Variants in SEL1L2 observed in about 807,000 individuals in gnomAD.
SEL1L2 encodes SEL1L2 adaptor subunit of SYVN1 ubiquitin ligase.
Under a neutral mutation model 98.8 loss-of-function variants are expected in SEL1L2, and 89 were observed. The ratio of observed to expected loss-of-function variants is 0.90; its 90% CI spans 0.76 to 1.07. The LOEUF is 1.07. Among genes scored for constraint, SEL1L2 ranks in the 50% least tolerant of loss-of-function variants. The probability of loss-of-function intolerance (pLI) is 0.00; values close to 1 mark genes in which losing one functional copy is unlikely to be tolerated. For synonymous variants in SEL1L2, 262 were observed against 278.5 expected (o/e 0.94, Z 0.59); for missense variants, 788 against 812.0 (o/e 0.97, Z 0.36).
Position 13,941,945 on chromosome 20 carries a change from T to C in SEL1L2, c.115-10174A>G, listed in dbSNP as rs191555065. On this transcript the variant is annotated intron_variant, in intron 2 of 19. Transcript: ENST00000284951. ...ACATTTCTTGTTTTCCTTAACAATCTATGTCCCTTTTTTCTTTCCTGGTTC... is the reference window on the plus strand; with the variant it reads ...ACATTTCTTGTTTTCCTTAACAATCCATGTCCCTTTTTTCTTTCCTGGTTC... Among the ~76,000 whole-genome samples, 85 of 152,320 alleles carry C rather than the reference T, an allele frequency of 5.6e-4. 1 individual carries two copies. Among genetic ancestry groups the C allele is most frequent in the African/African-American group, 1.9e-3 (79 of 41,576 alleles).
intron 2 of SEL1L2, among the ~76,000 whole-genome samples, chr20:13,938,176 G>A (rs2049552113): frequency 6.6e-6 from 1 of 151,780 alleles, no homozygotes; most frequent in African/African-American, 2.4e-5. Flanking sequence ...CACCTCCTGG[G>A]TTCAAGCGAT....
intron 5 of SEL1L2, among the ~76,000 whole-genome samples, chr20:13,901,435 T>G (rs938062851): frequency 1.3e-5 from 2 of 152,306 alleles, no homozygotes; most frequent in South Asian, 4.1e-4. Flanking sequence ...AGCCCTATTC[T>G]GTAACTTTTA....
At chr20:13,995,097 C>T (rs1407173744), upstream of SEL1L2, 4 of 155,566 alleles carry the variant, frequency 2.6e-5, no homozygotes, top group African/African-American at 9.6e-5. The surrounding 1 kb of genome is among the most constrained non-coding windows in gnomAD (Gnocchi z 4.3). Flanking sequence ...TCTCCTCCCA[C>T]TTCTACATCC....
chr20:13,858,174 G>A (rs1195376936), intron 18 of SEL1L2, among the ~76,000 whole-genome samples: 1 of 152,124 alleles, frequency 6.6e-6, no homozygotes, highest in Admixed American at 6.6e-5. Flanking sequence ...AGAAGCCCTT[G>A]GCTTCACTGT....
intron 5 of SEL1L2, among the ~76,000 whole-genome samples, chr20:13,892,380 G>A (rs2047241741): frequency 6.6e-6 from 1 of 151,930 alleles, no homozygotes. Context: ...AACCTGAGAG[G>A]TGGAAGTTGC....
At chr20:13,864,155 C>T (rs1012415477) in intron 17 of SEL1L2, among the ~76,000 whole-genome samples, 3 of 152,072 alleles carry the variant, frequency 2.0e-5, no homozygotes, top group Admixed American at 6.6e-5. Context: ...TGTTTCCCCA[C>T]TCTAAATAAG....
At chr20:13,856,840 A>G (rs558982705) in intron 18 of SEL1L2, among the ~76,000 whole-genome samples, 12 of 152,198 alleles carry the variant, frequency 7.9e-5, no homozygotes, top group Non-Finnish European at 1.5e-4. Flanking sequence ...GTGGTATTAT[A>G]CTCATCTTTC....
intron 5 of SEL1L2, among the ~76,000 whole-genome samples, chr20:13,903,335 C>T (rs1692592380): frequency 6.6e-6 from 1 of 152,084 alleles, no homozygotes; most frequent in South Asian, 2.1e-4. Flanking sequence ...ACGGTTCCTC[C>T]TCACTCCTTC....
At chr20:13,861,910 C>T (rs973035171) in intron 17 of SEL1L2, among the ~76,000 whole-genome samples, 2 of 152,176 alleles carry the variant, frequency 1.3e-5, no homozygotes, top group Non-Finnish European at 2.9e-5. Flanking sequence ...CTCCTAGAGG[C>T]CGTCTCCGAC....
intron 3 of SEL1L2, among the ~76,000 whole-genome samples, chr20:13,923,636 C>T (rs1176937534): frequency 6.6e-6 from 1 of 152,142 alleles, no homozygotes; most frequent in Non-Finnish European, 1.5e-5. Context: ...TGCCTGTAGT[C>T]CCAGCTATTC....
Position 13,919,024 on chromosome 20 carries a change from T to A in SEL1L2, c.383A>T (p.Glu128Val). 1 of 1,607,144 alleles carries A rather than the reference T, an allele frequency of 6.2e-7. No homozygotes were observed. The highest frequency in any genetic ancestry group is 1.1e-5 in the South Asian group (1 of 90,322). Residue 128 changes from glutamate to valine, a missense_variant, in exon 4 of 20, where the codon GAA (glutamate) becomes GTA (valine). Coordinates refer to ENST00000284951, the MANE Select transcript of SEL1L2 (RefSeq NM_025229.2). ...AGGTCACTGGATAAAGACTTACTCT[T>A]CTTTTTGTTTTTGGCTTTTAGACTG... ...LQQSKSQKQK[E>V]EAYLLFAKAA...
chr20:13,973,473 A>G (rs1466169999), intron 1 of SEL1L2: 1 of 152,192 alleles, frequency 6.6e-6, no homozygotes, highest in Non-Finnish European at 1.5e-5. Flanking sequence ...TGTGAATGCT[A>G]TAACGAATTA....
chr20:13,963,954 C>T (rs1343525307), intron 1 of SEL1L2, among the ~76,000 whole-genome samples: 2 of 152,096 alleles, frequency 1.3e-5, no homozygotes, highest in Non-Finnish European at 2.9e-5. Context: ...TCTCTACAAC[C>T]TCTGCCTCCT....
chr20:13,887,795 C>T lies in SEL1L2; in HGVS notation c.719G>A (p.Ser240Asn). 1 of 1,612,852 alleles carries T rather than the reference C, an allele frequency of 6.2e-7. No individual in the cohort carries two copies. The highest frequency in any genetic ancestry group is 1.3e-5 in the African/African-American group (1 of 74,998). Residue 240 changes from serine to asparagine, a missense_variant, in exon 8 of 20, where the codon AGT (serine) becomes AAT (asparagine). By Grantham distance (46) the Ser-to-Asn change is conservative. Transcript: ENST00000284951. ...ATAATCTGCCACTTTCTTGTAATAA[C>T]TTAGGGCAACTTCACAATTCTGTAG... ...NVLQNCEVALSYYKKVADYIA... is the reference protein window; with the variant it reads ...NVLQNCEVALNYYKKVADYIA...
intron 5 of SEL1L2, among the ~76,000 whole-genome samples, chr20:13,903,453 T>C (rs889164019): frequency 6.6e-6 from 1 of 152,200 alleles, no homozygotes; most frequent in Non-Finnish European, 1.5e-5. Context: ...CTGTCACCAT[T>C]CTTAGAAGTT....
In SEL1L2 at chr20:13,897,110, A is replaced by G. The variant is rs2047458817; in HGVS notation, c.550-8598T>C. Among the ~76,000 whole-genome samples, 3 of 152,224 alleles carry G rather than the reference A, an allele frequency of 2.0e-5. No homozygotes were observed. In the South Asian group the frequency reaches 6.2e-4, roughly 32 times the overall value. ...ATAAAACACAAACAAAACCTCACAT[A>G]CAAGGTCAAATGATCTTTGACAAGG... On this transcript the variant is annotated intron_variant, in intron 5 of 19. Transcript: ENST00000284951.
intron 3 of SEL1L2, among the ~76,000 whole-genome samples, chr20:13,926,221 A>G (rs1378801786): frequency 1.3e-5 from 2 of 152,324 alleles, no homozygotes; most frequent in East Asian, 3.9e-4. Context: ...AGGCTGAGGC[A>G]GGAGAATGGC....
Position 13,956,070 on chromosome 20 carries a change from AT to A in SEL1L2, c.114+5del. 1.3e-6 allele frequency: 2 copies of A among 1,536,392 alleles called. No individual in the cohort carries two copies. The highest frequency in any genetic ancestry group is 1.8e-6 in the Non-Finnish European group (2 of 1,121,464). On this transcript the variant is annotated splice_donor_5th_base_variant and intron_variant, in intron 2 of 19. Coordinates refer to ENST00000284951, the MANE Select transcript of SEL1L2 (RefSeq NM_025229.2). The stretch of plus-strand genomic sequence containing the variant: ...AAAAAATGTAAAGATTTAGCAAAAT[AT>A]TTACCTGTGTGGTGACATTTCTTTC...
At chr20:13,956,801 C>T (rs148260959) in intron 1 of SEL1L2, among the ~76,000 whole-genome samples, 18 of 152,042 alleles carry the variant, frequency 1.2e-4, no homozygotes, top group African/African-American at 3.6e-4. Context: ...AGTCGGAAAA[C>T]GTGAGATGAC....
Sources: allele counts gnomAD v4.1 joint callset (sites outside exome capture counted in the v4.1 genomes callset), GRCh38; gene constraint gnomAD v4.1.1; non-coding constraint Gnocchi (gnomAD v3.1); transcripts MANE v1.5; gene names NCBI Gene and HGNC (gene_info 2026-07-23, HGNC 2026-07-21).